The following ZNF700 variants were observed in gnomAD, a reference collection of about 807,000 sequenced individuals.
ZNF700 encodes zinc finger protein 700.
A neutral mutation model predicts 65.3 loss-of-function variants in ZNF700; 38 were observed. The observed-to-expected ratio is 0.58, with a 90% confidence interval of 0.45 to 0.76. The LOEUF is 0.76. Among genes scored for constraint, ZNF700 ranks in the 30% least tolerant of loss-of-function variants. The pLI is 0.00. For missense variants in ZNF700, 857 were observed against 888.4 expected (o/e 0.96, Z 0.45); for synonymous variants, 285 against 290.4 (o/e 0.98, Z 0.19).
chr19:11,941,667 C>T lies in ZNF700; in HGVS notation c.64-5514C>T, dbSNP rs187555974. On this transcript the variant is annotated intron_variant, in intron 1 of 3. Coordinates refer to ENST00000254321, the MANE Select transcript of ZNF700 (RefSeq NM_144566.3). The stretch of plus-strand genomic sequence containing the variant: ...GCCGCGCGCAGCCCCAGTTCCCGCT[C>T]GCGCCTCTCCCTCCACCCCTCCCTG... Among the ~76,000 whole-genome samples the T allele has an allele frequency of 2.5e-3, 385 of 152,298 alleles. 2 individuals carry two copies. Among genetic ancestry groups the T allele is most frequent in the African/African-American group, 8.7e-3 (362 of 41,576 alleles).
chr19:11,940,469 G>C (rs1028114753), intron 1 of ZNF700, among the ~76,000 whole-genome samples: 1 of 152,094 alleles, frequency 6.6e-6, no homozygotes, highest in Non-Finnish European at 1.5e-5. Flanking sequence ...TTCGTGGTGA[G>C]TGTTAACAGC....
intron 1 of ZNF700, among the ~76,000 whole-genome samples, chr19:11,943,701 C>G (rs279256): frequency 6.6e-6 from 1 of 151,950 alleles, no homozygotes; most frequent in Non-Finnish European, 1.5e-5. Context: ...ACTAGAAAAC[C>G]GAAAGATTGT....
At chr19:11,942,890 A>G (rs182177060) in intron 1 of ZNF700, among the ~76,000 whole-genome samples, 2 of 152,202 alleles carry the variant, frequency 1.3e-5, no homozygotes, top group East Asian at 3.9e-4. Flanking sequence ...ACAATAAGAG[A>G]GGTGGTCTCC....
chr19:11,948,678 G>A lies in ZNF700; in HGVS notation c.654G>A (p.Gly218=). Residue 218 remains glycine, a synonymous_variant, in exon 4 of 4, where the codon GGG becomes GGA. Transcript: ENST00000254321. ...GAAGACACATGGTAATGCACAGTGG[G>A]GATGGAACTTATAAATGTAAATTTT... ...SIRRHMVMHS[G]DGTYKCKFCG... 1.2e-6 allele frequency: 2 copies of A among 1,612,166 alleles called. No individual in the cohort carries two copies. The highest frequency in any genetic ancestry group is 1.7e-6 in the Non-Finnish European group (2 of 1,179,588).
chr19:11,936,535 G>A (rs1972798875), intron 1 of ZNF700, among the ~76,000 whole-genome samples: 1 of 152,040 alleles, frequency 6.6e-6, no homozygotes, highest in Non-Finnish European at 1.5e-5. Flanking sequence ...TGATGGGGTT[G>A]TTTGTTTTTT....
At chr19:11,928,470 C>T (rs746264794) in intron 1 of ZNF700, among the ~76,000 whole-genome samples, 98 of 149,774 alleles carry the variant, frequency 6.5e-4, no homozygotes, top group Non-Finnish European at 1.3e-3. Context: ...CGGTGGCTCA[C>T]GCCTGTAATC....
chr19:11,934,908 C>A lies in ZNF700; in HGVS notation c.63+9635C>A, dbSNP rs544374656. 9.7e-4 allele frequency among the ~76,000 whole-genome samples: 143 copies of A among 147,276 alleles called. 21 individuals carry two copies. Among genetic ancestry groups the A allele is most frequent in the African/African-American group, 3.2e-3 (120 of 37,540 alleles). ...CATAATTACAGTCTTTGGTCGGGTG[C>A]GGTGGCTCACGCCTGTAATCCCAGC... On this transcript the variant is annotated intron_variant, in intron 1 of 3. Coordinates refer to ENST00000254321, the MANE Select transcript of ZNF700 (RefSeq NM_144566.3).
At chr19:11,941,444 G>A (rs901759885) in intron 1 of ZNF700, among the ~76,000 whole-genome samples, 1 of 152,338 alleles carries the variant, frequency 6.6e-6, no homozygotes, top group Admixed American at 6.5e-5. Flanking sequence ...CTGCCCCGTG[G>A]GAAGGCAGCT....
chr19:11,933,484 A>T (rs1370849927), intron 1 of ZNF700, among the ~76,000 whole-genome samples: 3 of 147,842 alleles, frequency 2.0e-5, no homozygotes, highest in Non-Finnish European at 4.4e-5. Context: ...AGCGTGTCAC[A>T]GGCCTCAAAA....
In ZNF700 at chr19:11,925,228, C is replaced by T. The variant is rs777509415; in HGVS notation, c.18C>T (p.His6=). ...CCTGCGCTATGCCCTGCTGTAGTCACAGGAGCTGTAGAGAGGACCCCGGTA... is the reference window on the plus strand; with the variant it reads ...CCTGCGCTATGCCCTGCTGTAGTCATAGGAGCTGTAGAGAGGACCCCGGTA... MPCCS[H]RSCREDPGTS... is the part of the protein sequence containing the mutation. Residue 6 remains histidine (H), a synonymous_variant, in exon 1 of 4, where the codon CAC becomes CAT. Coordinates refer to ENST00000254321, the MANE Select transcript of ZNF700 (RefSeq NM_144566.3). The T allele has an allele frequency of 9.3e-6, 15 of 1,613,102 alleles. No homozygotes were observed. Among genetic ancestry groups the T allele is most frequent in the Non-Finnish European group, 1.2e-5 (14 of 1,179,304 alleles).
At chr19:11,935,103 G>A (rs751942187) in intron 1 of ZNF700, among the ~76,000 whole-genome samples, 6 of 143,320 alleles carry the variant, frequency 4.2e-5, no homozygotes, top group Non-Finnish European at 3.0e-5. Context: ...ATGAACCCGG[G>A]AGGCGGAGCT....
chr19:11,937,631 G>A (rs1481916167), intron 1 of ZNF700, among the ~76,000 whole-genome samples: 1 of 151,454 alleles, frequency 6.6e-6, no homozygotes, highest in Non-Finnish European at 1.5e-5. Context: ...TGAGACTACA[G>A]GTGCCTACCA....
intron 1 of ZNF700, among the ~76,000 whole-genome samples, chr19:11,932,698 C>T (rs568636664): frequency 2.2e-5 from 3 of 137,104 alleles, no homozygotes; most frequent in African/African-American, 9.2e-5. Flanking sequence ...AGTGCAGTGG[C>T]GTGATCTCGG....
At position 11,929,292 on chromosome 19, in the gene ZNF700, T is replaced by C. The variant is rs8113610; in HGVS notation, c.63+4019T>C. On this transcript the variant is annotated intron_variant, in intron 1 of 3. Coordinates refer to ENST00000254321, the MANE Select transcript of ZNF700 (RefSeq NM_144566.3). Reference sequence around the variant, plus strand: ...AATTCTCCTGCCTCAGCCTCCCAAGTAGTTGGGATTACAGACATGTGCCAC... The same window carrying C: ...AATTCTCCTGCCTCAGCCTCCCAAGCAGTTGGGATTACAGACATGTGCCAC... Among the ~76,000 whole-genome samples, 276 of 148,218 alleles carry C rather than the reference T, an allele frequency of 1.9e-3. 38 individuals are homozygous for C. Among genetic ancestry groups the C allele is most frequent in the African/African-American group, 6.8e-3 (259 of 37,928 alleles).
intron 1 of ZNF700, among the ~76,000 whole-genome samples, chr19:11,940,978 T>C (rs1972872847): frequency 6.6e-6 from 1 of 151,880 alleles, no homozygotes; most frequent in Non-Finnish European, 1.5e-5. Context: ...AACCTTGAGC[T>C]AGATACAGAG....
intron 1 of ZNF700, among the ~76,000 whole-genome samples, chr19:11,941,700 A>T (rs1403219699): frequency 6.6e-6 from 1 of 152,134 alleles, no homozygotes; most frequent in Non-Finnish European, 1.5e-5. Context: ...CTGCAAGCTG[A>T]GGGAGCCGGC....
In ZNF700 at chr19:11,937,709, C is replaced by T. The variant is rs536077486; in HGVS notation, c.64-9472C>T. Among the ~76,000 whole-genome samples the T allele has an allele frequency of 5.5e-3, 837 of 151,982 alleles. 7 individuals are homozygous for T. The highest frequency in any genetic ancestry group is 0.02 in the African/African-American group (818 of 41,438). Reference sequence around the variant, plus strand: ...TTCACCATGTTAGCCAGGATGGTCTCGATCTCCTGACCTCATGATCTGCCT... The same window carrying T: ...TTCACCATGTTAGCCAGGATGGTCTTGATCTCCTGACCTCATGATCTGCCT... On this transcript the variant is annotated intron_variant, in intron 1 of 3. Transcript: ENST00000254321.
intron 1 of ZNF700, 80 bp from the exon 2 acceptor site, chr19:11,947,101 A>G (rs58336952): frequency 0.045 from 70,008 of 1,546,160 alleles, 3,146 homozygotes; most frequent in African/African-American, 0.24. Context: ...CAGCATCCTG[A>G]GAACTTCTTG....
chr19:11,949,369 A>C lies in ZNF700; in HGVS notation c.1345A>C (p.Lys449Gln), dbSNP rs1973021097. The change falls in exon 4 of 4, where the codon AAG becomes CAG. Residue 449 changes from lysine to glutamine, a missense_variant. Lys to Gln is a moderately conservative substitution (Grantham distance 53, BLOSUM62 1). Transcript: ENST00000254321. ...CACTGGAGAGAAACCCTATGAATGT[A>C]AGGAATGTGGGAAAGCCTTCAGATC... ...THTGEKPYECKECGKAFRSTS... is the reference protein window; with the variant it reads ...THTGEKPYECQECGKAFRSTS... 1 of 1,613,784 alleles carries C rather than the reference A, an allele frequency of 6.2e-7. No individual in the cohort carries two copies. The highest frequency in any genetic ancestry group is 8.5e-7 in the Non-Finnish European group (1 of 1,179,924).
Sources: allele counts gnomAD v4.1 joint callset (sites outside exome capture counted in the v4.1 genomes callset), GRCh38; gene constraint gnomAD v4.1.1; transcripts MANE v1.5; gene names NCBI Gene and HGNC (gene_info 2026-07-23, HGNC 2026-07-21).